DOCK7: variants seen among roughly 807,000 people sequenced by gnomAD.
DOCK7 encodes the protein dedicator of cytokinesis protein 7.
Under a neutral mutation model 271.0 loss-of-function variants are expected in DOCK7, and 138 were observed. The observed-to-expected ratio is 0.51, with a 90% confidence interval of 0.44 to 0.59. The LOEUF is 0.59. Among genes scored for constraint, DOCK7 ranks in the 20% least tolerant of loss-of-function variants. The probability of loss-of-function intolerance (pLI) is 0.00; values close to 1 mark genes in which losing one functional copy is unlikely to be tolerated. For synonymous variants in DOCK7, 823 were observed against 876.1 expected, an observed-to-expected ratio of 0.94 and a Z score of 1.07; for missense variants, 2,066 against 2,592.4, an observed-to-expected ratio of 0.80 and a Z score of 4.41.
chr1:62,538,847 TTTGAACTTCTCAATAATTC>T (rs1645434440), intron 27 of DOCK7, among the ~76,000 whole-genome samples: 1 of 152,158 alleles, frequency 6.6e-6, no homozygotes, highest in Admixed American at 6.5e-5. Flanking sequence ...CCACCATAAG[TTTGAACTTCTCAATAATTC>T]TGGGATGGGA....
chr1:62,634,372 A>G (rs115806234), intron 9 of DOCK7: 1,495 of 142,038 alleles, frequency 0.011, 17 homozygotes, highest in Non-Finnish European at 0.015. Flanking sequence ...CAAAATCTCA[A>G]TGTTTTTTTT....
chr1:62,627,113 A>C (rs1654050762), intron 11 of DOCK7, among the ~76,000 whole-genome samples: 1 of 152,178 alleles, frequency 6.6e-6, no homozygotes, highest in Non-Finnish European at 1.5e-5. Flanking sequence ...TCGATGCAAC[A>C]CCACATTAAA....
Position 62,537,978 on chromosome 1 carries a change from A to G in DOCK7, c.3384T>C (p.His1128=), listed in dbSNP as rs745834277. The G allele has an allele frequency of 7.4e-6, 12 of 1,613,966 alleles. No individual in the cohort carries two copies. The Admixed American group carries it at 2.0e-4, about 27-fold the overall frequency. Residue 1128 remains histidine (H), a synonymous_variant, in exon 28 of 50, where the codon CAT becomes CAC. Transcript: ENST00000635253. ...RLDFLRIICS[H]EHYVTLNLPC... is the part of the protein sequence containing the mutation. ...GTAAGTTTAATGTAACATAGTGCTC[A>G]TGACTGCAGATGATTCGTAGAAAAT...
intron 31 of DOCK7, among the ~76,000 whole-genome samples, chr1:62,522,021 GT>G (rs1170422144): frequency 2.0e-5 from 3 of 151,830 alleles, no homozygotes; most frequent in Non-Finnish European, 4.4e-5. Flanking sequence ...TACAATCAAT[GT>G]AAGAAGAAAC....
At chr1:62,682,451 T>C (rs1169670492) in intron 1 of DOCK7, among the ~76,000 whole-genome samples, 1 of 152,048 alleles carries the variant, frequency 6.6e-6, no homozygotes, top group East Asian at 1.9e-4. Context: ...TGTGAAGCAC[T>C]GGAAATAAAA....
intron 41 of DOCK7, among the ~76,000 whole-genome samples, chr1:62,491,237 G>A (rs779187126): frequency 6.6e-6 from 1 of 152,198 alleles, no homozygotes; most frequent in East Asian, 1.9e-4. Flanking sequence ...TAGGGATAAG[G>A]CCTGGTGAAG....
chr1:62,507,240 A>G (rs1358091109), intron 35 of DOCK7, among the ~76,000 whole-genome samples: 1 of 152,208 alleles, frequency 6.6e-6, no homozygotes, highest in Non-Finnish European at 1.5e-5. Flanking sequence ...TAGTGGTAGT[A>G]GAAAAGGAAT....
rs138050709 is a variant in DOCK7 at position 62,664,215 on chromosome 1, G to A, written c.39-1085C>T. On this transcript the variant is annotated intron_variant, in intron 1 of 49. Coordinates refer to ENST00000635253, the MANE Select transcript of DOCK7 (RefSeq NM_001367561.1). ...TGAATAAGTAGAAATAGGGTGATAT[G>A]GTTTAACTGTGTCCCCACCCAAATC... Among the ~76,000 whole-genome samples the A allele has an allele frequency of 2.5e-3, 388 of 152,268 alleles. 4 individuals carry two copies. The highest frequency in any genetic ancestry group is 0.011 in the East Asian group (59 of 5,188).
intron 41 of DOCK7, among the ~76,000 whole-genome samples, chr1:62,490,960 G>A (rs1221760510): frequency 6.6e-6 from 1 of 152,190 alleles, no homozygotes; most frequent in Non-Finnish European, 1.5e-5. Flanking sequence ...CAATAATGAT[G>A]AAAATGATGG....
chr1:62,555,824 C>T lies in DOCK7; in HGVS notation c.2596+1G>A, dbSNP rs772328554. The T allele has an allele frequency of 6.2e-7, 1 of 1,604,842 alleles. No homozygotes were observed. The highest frequency in any genetic ancestry group is 1.1e-5 in the South Asian group (1 of 89,574). ...GCTTCATAGTAAAAAGAATAAAATACCTGGTGATGATGAATTAGGGTAAGT... is the reference window on the plus strand; with the variant it reads ...GCTTCATAGTAAAAAGAATAAAATATCTGGTGATGATGAATTAGGGTAAGT... On this transcript the variant is annotated splice_donor_variant, in intron 21 of 49. Transcript: ENST00000635253. LOFTEE classifies it high-confidence loss of function.
rs61023149 is a variant in DOCK7, at chr1:62,554,471, CAAAAAAAAAAAAAAAA to C, written c.2596+1338_2596+1353del. On this transcript the variant is annotated intron_variant, in intron 21 of 49. Coordinates refer to ENST00000635253, the MANE Select transcript of DOCK7 (RefSeq NM_001367561.1). ...TGGGCAACAGAGTGAGACTCCATCTCAAAAAAAAAAAAAAAAAAAAAAAAAAAAGCAATGCCTCCCT... is the reference window on the plus strand; with the variant it reads ...TGGGCAACAGAGTGAGACTCCATCTCAAAAAAAAAAAAGCAATGCCTCCCT... Among the ~76,000 whole-genome samples the C allele has an allele frequency of 4.5e-3, 290 of 63,910 alleles. 3 individuals are homozygous for C. Among genetic ancestry groups the C allele is most frequent in the African/African-American group, 0.017 (275 of 15,752 alleles). The allele number at this position is 63,910 out of a possible 152,430, so 41.9% of individuals were successfully genotyped here.
At chr1:62,487,899 TTA>T (rs1278656741) in intron 42 of DOCK7, 1 of 152,596 alleles carries the variant, frequency 6.6e-6, no homozygotes, top group African/African-American at 2.4e-5. Flanking sequence ...ATACAACTGA[TTA>T]TTAAAAGACC....
At chr1:62,474,952 C>T (rs986013881) in intron 47 of DOCK7, among the ~76,000 whole-genome samples, 13 of 152,068 alleles carry the variant, frequency 8.5e-5, no homozygotes, top group Admixed American at 3.9e-4. Flanking sequence ...AGTAGAGGTT[C>T]GCAAATATGT....
rs79481054 is a variant in DOCK7 at position 62,573,727 on chromosome 1, T to C, written c.2112+3535A>G. Among the ~76,000 whole-genome samples the C allele has an allele frequency of 7.9e-4, 121 of 152,282 alleles. 4 individuals carry two copies. The East Asian group carries it at 0.023, about 29-fold the overall frequency. ...AGGCTACAGAAATGTACACTTAAAATTAAAATGATAAACTTTATGTTCTAT... is the reference window on the plus strand; with the variant it reads ...AGGCTACAGAAATGTACACTTAAAACTAAAATGATAAACTTTATGTTCTAT... On this transcript the variant is annotated intron_variant, in intron 18 of 49. Transcript: ENST00000635253.
chr1:62,464,296 G>A (rs1458810405), intron 48 of DOCK7, among the ~76,000 whole-genome samples: 1 of 150,806 alleles, frequency 6.6e-6, no homozygotes, highest in Admixed American at 6.6e-5. Flanking sequence ...CCTGACCTCA[G>A]GTGATCCACC....
intron 48 of DOCK7, among the ~76,000 whole-genome samples, chr1:62,467,497 T>C (rs1267076260): frequency 6.6e-6 from 1 of 152,232 alleles, no homozygotes; most frequent in Admixed American, 6.5e-5. Flanking sequence ...AACCTAAGAC[T>C]GCTTCTGACT....
At chr1:62,636,427 A>T (rs907485920) in intron 8 of DOCK7, 110 bp downstream of exon 8, 1 of 778,898 alleles carries the variant, frequency 1.3e-6, no homozygotes, top group African/African-American at 1.8e-5. Context: ...TTTCCTTTTT[A>T]AAAAGATCTA....
chr1:62,681,947 G>T (rs1661214385), intron 1 of DOCK7, among the ~76,000 whole-genome samples: 1 of 151,744 alleles, frequency 6.6e-6, no homozygotes, highest in African/African-American at 2.4e-5. Flanking sequence ...TAACATTAAA[G>T]AAAGGAAGGA....
At chr1:62,519,498 C>T (rs1370416386) in intron 31 of DOCK7, among the ~76,000 whole-genome samples, 3 of 152,134 alleles carry the variant, frequency 2.0e-5, no homozygotes, top group African/African-American at 7.2e-5. Context: ...AAAACAACTT[C>T]TTAAATAGCT....
Sources: allele counts gnomAD v4.1 joint callset (sites outside exome capture counted in the v4.1 genomes callset), GRCh38; gene constraint gnomAD v4.1.1; transcripts MANE v1.5; gene names NCBI Gene and HGNC (gene_info 2026-07-23, HGNC 2026-07-21).